MMACHC: variants seen among roughly 807,000 people sequenced by gnomAD.
MMACHC encodes metabolism of cobalamin associated C, also known as cyanocobalamin reductase / alkylcobalamin dealkylase.
A neutral mutation model predicts 17.6 loss-of-function variants in MMACHC; 14 were observed. The observed-to-expected ratio is 0.80, with a 90% CI of 0.53 to 1.25. The LOEUF is 1.25. Among genes scored for constraint, MMACHC ranks in the 50% most tolerant of loss-of-function variants. The pLI is 0.00. For missense variants in MMACHC, 392 were observed against 364.5 expected (o/e 1.08, Z -0.62); for synonymous variants, 151 against 142.1 (o/e 1.06, Z -0.45).
intron 1 of MMACHC, among the ~76,000 whole-genome samples, chr1:45,503,703 C>T (rs1240404881): frequency 6.6e-6 from 1 of 152,182 alleles, no homozygotes; most frequent in Non-Finnish European, 1.5e-5. Context: ...TTATCTGTTA[C>T]AGCAGTAAAA....
In MMACHC at chr1:45,510,471, G is replaced by A. The variant is rs1274725925; in HGVS notation, c.*1256G>A. On this transcript the variant is annotated 3_prime_UTR_variant, in exon 4 of 4. Coordinates refer to ENST00000401061, the MANE Select transcript of MMACHC (RefSeq NM_015506.3). ...ACCATTTTGGGAGGCTGAGGCGGAG[G>A]ACCGCCTGAGGCAAGGAATTCAGAA... 6.6e-6 allele frequency: 1 copy of A among 152,156 alleles called. No individual in the cohort carries two copies. Among genetic ancestry groups the A allele is most frequent in the Non-Finnish European group, 1.5e-5 (1 of 68,082 alleles). The allele number at this position is 152,156 out of a possible 1,614,324, so 9.4% of individuals were successfully genotyped here. A position where few individuals can be genotyped will look rare whatever the true frequency, so the allele number is the denominator to read the frequency against.
intron 3 of MMACHC, 91 bp downstream of exon 3, chr1:45,508,455 T>G (rs1643670403): frequency 6.9e-7 from 1 of 1,457,270 alleles, no homozygotes; most frequent in Admixed American, 1.9e-5. Context: ...CCTGGATGGA[T>G]GTGACACAAC....
In MMACHC at chr1:45,508,300, A is replaced by G; in HGVS notation, c.365A>G (p.His122Arg). Residue 122 changes from histidine to arginine, a missense_variant, in exon 3 of 4, where the codon CAT (histidine) becomes CGT (arginine). Coordinates refer to ENST00000401061, the MANE Select transcript of MMACHC (RefSeq NM_015506.3). ...RPKILAQTAA[H>R]VAGAAYYYQR... ...AAGATCCTGGCCCAGACAGCAGCCC[A>G]TGTAGCTGGGGCTGCTTACTACTAC... 1 of 1,614,130 alleles carries G rather than the reference A, an allele frequency of 6.2e-7. No individual in the cohort carries two copies. The highest frequency in any genetic ancestry group is 8.5e-7 in the Non-Finnish European group (1 of 1,179,968).
At chr1:45,506,874 T>A (rs1367521872) in intron 1 of MMACHC, among the ~76,000 whole-genome samples, 1 of 151,658 alleles carries the variant, frequency 6.6e-6, no homozygotes, top group Non-Finnish European at 1.5e-5. Context: ...ATAAAATAAT[T>A]CCCTGGGCCA....
chr1:45,500,800 G>C (rs1643530305), intron 1 of MMACHC, among the ~76,000 whole-genome samples: 1 of 146,324 alleles, frequency 6.8e-6, no homozygotes, highest in Non-Finnish European at 1.5e-5. Context: ...TGAGACGGAG[G>C]TTGCAGTGAG....
In MMACHC at chr1:45,507,501, C is replaced by G. The variant is rs1451573070; in HGVS notation, c.227C>G (p.Thr76Ser). Residue 76 changes from threonine (T) to serine (S), a missense_variant, in exon 2 of 4, where the codon ACT (threonine) becomes AGT (serine). Physicochemically the swap from Thr to Ser is moderately conservative, Grantham distance 58 (BLOSUM62 1). Transcript: ENST00000401061. ...CAGAGCTGCCACCTCCGAATGCTGA[C>G]TGACCCAGTGGACCAGTGTGTGGCC... ...FLQSCHLRMLTDPVDQCVAYH... is the reference protein window; with the variant it reads ...FLQSCHLRMLSDPVDQCVAYH... The G allele has an allele frequency of 1.2e-6, 2 of 1,614,220 alleles. No individual in the cohort carries two copies. The highest frequency in any genetic ancestry group is 2.2e-5 in the East Asian group (1 of 44,890).
intron 1 of MMACHC, among the ~76,000 whole-genome samples, chr1:45,506,000 G>A (rs547774331): frequency 6.6e-6 from 1 of 152,120 alleles, no homozygotes; most frequent in South Asian, 2.1e-4. Context: ...TGATCTGTCT[G>A]TATGGAGATG....
Position 45,511,658 on chromosome 1 carries a change from C to A in MMACHC, c.*2443C>A. Reference sequence around the variant, plus strand: ...TGTAGCACTTGAAATTTAAATTTTCCACAAAAAAAGGCAAAGTTTAAATAA... The same window carrying A: ...TGTAGCACTTGAAATTTAAATTTTCAACAAAAAAAGGCAAAGTTTAAATAA... On this transcript the variant is annotated 3_prime_UTR_variant, in exon 4 of 4. Coordinates refer to ENST00000401061, the MANE Select transcript of MMACHC (RefSeq NM_015506.3). 2.8e-6 allele frequency: 1 copy of A among 354,504 alleles called. No individual in the cohort carries two copies. Among genetic ancestry groups the A allele is most frequent in the Non-Finnish European group, 5.1e-6 (1 of 197,922 alleles). 22.0% of individuals were successfully genotyped at this position (354,504 alleles called of 1,614,324 possible).
chr1:45,500,917 T>C (rs1643534381), intron 1 of MMACHC, among the ~76,000 whole-genome samples: 1 of 144,508 alleles, frequency 6.9e-6, no homozygotes, highest in African/African-American at 2.5e-5. Flanking sequence ...TTTGCCACCA[T>C]ATAATGCCGG....
chr1:45,505,300 T>A (rs1315783695), intron 1 of MMACHC, among the ~76,000 whole-genome samples: 1 of 150,536 alleles, frequency 6.6e-6, no homozygotes, highest in Non-Finnish European at 1.5e-5. Context: ...ATACAAAAAT[T>A]AGCTGGGCGT....
chr1:45,501,436 G>A (rs936832000), intron 1 of MMACHC, among the ~76,000 whole-genome samples: 2 of 152,174 alleles, frequency 1.3e-5, no homozygotes, highest in Non-Finnish European at 2.9e-5. Flanking sequence ...TATAGAGGGA[G>A]AAGTAGGTTG....
chr1:45,509,032 C>A lies in MMACHC; in HGVS notation c.666C>A (p.Tyr222Ter), dbSNP rs201266016. 1.1e-5 allele frequency: 17 copies of A among 1,614,154 alleles called. No homozygotes were observed. The highest frequency in any genetic ancestry group is 2.2e-5 in the South Asian group (2 of 91,086). ...QERYSEEQKA[Y>*]FSTPPAQRLA... ...GCTACTCAGAAGAGCAGAAGGCCTACTTCTCCACTCCACCTGCCCAACGAT... is the reference window on the plus strand; with the variant it reads ...GCTACTCAGAAGAGCAGAAGGCCTAATTCTCCACTCCACCTGCCCAACGAT... Residue 222 changes from tyrosine to a stop codon, truncating the protein, a stop_gained, in exon 4 of 4, where the codon TAC (tyrosine) becomes TAA (stop). Transcript: ENST00000401061. LOFTEE classifies it low-confidence loss of function (END_TRUNC).
chr1:45,507,691 T>TGATCTTTCCTCATTCTGC, intron 2 of MMACHC, 141 bp downstream of exon 2: 1 of 1,008,214 alleles, frequency 9.9e-7, no homozygotes, highest in Admixed American at 2.0e-5. Context: ...TGACATTCTG[T>TGATCTTTCCTCATTCTGC]GATCTTTCCT....
In MMACHC at chr1:45,511,427, G is replaced by A. The variant is rs781427742; in HGVS notation, c.*2212G>A. ...CCAGCTGGGCACACTGCAAGAGAAA[G>A]GCACCACTAATTAATAACCTTCTCA... On this transcript the variant is annotated 3_prime_UTR_variant, in exon 4 of 4. Transcript: ENST00000401061. The A allele has an allele frequency of 1.2e-6, 2 of 1,607,390 alleles. No homozygotes were observed. The highest frequency in any genetic ancestry group is 4.5e-5 in the East Asian group (2 of 44,782).
chr1:45,509,317 T>C lies in MMACHC; in HGVS notation c.*102T>C. ...AGTACAAGATTACTATTTTTGATAA[T>C]ATAGTAGAGATCTTCCATGAAGATA... On this transcript the variant is annotated 3_prime_UTR_variant, in exon 4 of 4. Coordinates refer to ENST00000401061, the MANE Select transcript of MMACHC (RefSeq NM_015506.3). 2 of 1,350,382 alleles carry C rather than the reference T, an allele frequency of 1.5e-6. No homozygotes were observed. The highest frequency in any genetic ancestry group is 2.1e-6 in the Non-Finnish European group (2 of 954,140). The allele number at this position is 1,350,382 out of a possible 1,614,324, so 83.6% of individuals were successfully genotyped here. A position where few individuals can be genotyped will look rare whatever the true frequency, so the allele number is the denominator to read the frequency against.
chr1:45,505,829 G>A (rs1643611899), intron 1 of MMACHC, among the ~76,000 whole-genome samples: 1 of 151,974 alleles, frequency 6.6e-6, no homozygotes, highest in Non-Finnish European at 1.5e-5. Context: ...TTGAACCCGG[G>A]AGGCGGAGGT....
At position 45,507,393 on chromosome 1, in the gene MMACHC, A is replaced by T; in HGVS notation, c.119A>T (p.His40Leu). The T allele has an allele frequency of 1.2e-6, 2 of 1,614,028 alleles. No homozygotes were observed. The highest frequency in any genetic ancestry group is 1.7e-6 in the Non-Finnish European group (2 of 1,179,992). The change falls in exon 2 of 4, where the codon CAC (histidine) becomes CTC (leucine). Residue 40 changes from histidine to leucine, a missense_variant. Physicochemically the swap from His to Leu is moderately conservative, Grantham distance 99 (BLOSUM62 -3). Coordinates refer to ENST00000401061, the MANE Select transcript of MMACHC (RefSeq NM_015506.3). ...AATGAACTCTTGCCTCCAGCCTTCC[A>T]CCTACCGCTGCCAGGACCTACCCTG... ...WYNELLPPAF[H>L]LPLPGPTLAF...
intron 2 of MMACHC, 129 bp downstream of exon 2, chr1:45,507,679 C>A (rs1643655517): frequency 5.6e-6 from 6 of 1,079,620 alleles, no homozygotes; most frequent in Admixed American, 2.0e-5. Flanking sequence ...TAAAGCCAGG[C>A]TTGACATTCT....
At chr1:45,504,884 T>G (rs987505590) in intron 1 of MMACHC, among the ~76,000 whole-genome samples, 4 of 149,762 alleles carry the variant, frequency 2.7e-5, no homozygotes, top group Admixed American at 6.7e-5. Context: ...GAGGCCAAGG[T>G]GGGCAGATCA....
Sources: allele counts gnomAD v4.1 joint callset (sites outside exome capture counted in the v4.1 genomes callset), GRCh38; gene constraint gnomAD v4.1.1; transcripts MANE v1.5; gene names NCBI Gene and HGNC (gene_info 2026-07-23, HGNC 2026-07-21).